The following TMEM117 variants were observed in gnomAD, a reference collection of about 807,000 sequenced individuals.
TMEM117 encodes the protein transmembrane protein 117.
TMEM117 carries 27 observed loss-of-function variants against 52.4 expected under a neutral mutation model. The ratio of observed to expected loss-of-function variants is 0.51; its 90% CI spans 0.38 to 0.71. The LOEUF (loss-of-function observed/expected upper bound fraction) is 0.71, where lower values mean the gene tolerates loss of function less well. TMEM117 is among the 30% of genes least tolerant of loss of function. The pLI is 0.00. For synonymous variants in TMEM117, 215 were observed against 206.3 expected (o/e 1.04, Z -0.36); for missense variants, 556 against 630.5 (o/e 0.88, Z 1.26).
Position 43,915,769 on chromosome 12 carries a change from GA to G in TMEM117, c.278-28432del, listed in dbSNP as rs762847958. ...GAAAGAAAAAGAAAGAAAGAAAGAGGAAAAAAAAATCCAGTGGTGTTTACTG... is the reference window on the plus strand; with the variant it reads ...GAAAGAAAAAGAAAGAAAGAAAGAGGAAAAAAAATCCAGTGGTGTTTACTG... On this transcript the variant is annotated intron_variant, in intron 2 of 7. Transcript: ENST00000266534. Among the ~76,000 whole-genome samples the G allele has an allele frequency of 1.1e-4, 17 of 150,692 alleles. No homozygotes were observed. In the South Asian group the frequency reaches 1.5e-3, roughly 13 times the overall value.
intron 6 of TMEM117, among the ~76,000 whole-genome samples, chr12:44,306,841 T>TA (rs1285284645): frequency 6.6e-6 from 1 of 152,234 alleles, no homozygotes; most frequent in East Asian, 1.9e-4. Flanking sequence ...AGTATGATCT[T>TA]ACAGTAATTA....
chr12:44,323,068 A>G (rs1394370423), intron 6 of TMEM117, among the ~76,000 whole-genome samples: 1 of 152,168 alleles, frequency 6.6e-6, no homozygotes, highest in Admixed American at 6.5e-5. Context: ...TTGGCCCTAC[A>G]TTGCTGGCTT....
intron 2 of TMEM117, among the ~76,000 whole-genome samples, chr12:43,896,104 T>G (rs1944196631): frequency 6.6e-6 from 1 of 152,168 alleles, no homozygotes; most frequent in Admixed American, 6.5e-5. Flanking sequence ...AGAACAATAC[T>G]TTGCATCCTT....
At chr12:43,961,789 A>G (rs1039730582) in intron 3 of TMEM117, among the ~76,000 whole-genome samples, 21 of 152,168 alleles carry the variant, frequency 1.4e-4, no homozygotes, top group African/African-American at 5.1e-4. Flanking sequence ...CTTTAGATCT[A>G]TCTGAGTTCC....
At chr12:43,863,711 A>G (rs979541544) in intron 2 of TMEM117, among the ~76,000 whole-genome samples, 2 of 152,134 alleles carry the variant, frequency 1.3e-5, no homozygotes, top group Non-Finnish European at 2.9e-5. Context: ...AATGGCTGAG[A>G]GGTGGTGAGA....
chr12:44,160,585 C>T (rs945015763), intron 4 of TMEM117, among the ~76,000 whole-genome samples: 1 of 152,094 alleles, frequency 6.6e-6, no homozygotes, highest in Non-Finnish European at 1.5e-5. Context: ...GGGAGGATTG[C>T]TTGAAGCCAG....
At chr12:43,807,959 A>C in the TMEM117 span, among the ~76,000 whole-genome samples, 1 of 152,218 alleles carries the variant, frequency 6.6e-6, no homozygotes, top group African/African-American at 2.4e-5. Context: ...AATAATATAT[A>C]ATAGACTTAT....
chr12:43,885,927 T>A (rs1207077001), intron 2 of TMEM117, among the ~76,000 whole-genome samples: 1 of 152,224 alleles, frequency 6.6e-6, no homozygotes, highest in East Asian at 1.9e-4. Flanking sequence ...ATGAGACATT[T>A]TACTATGAAA....
intron 5 of TMEM117, among the ~76,000 whole-genome samples, chr12:44,288,634 T>C (rs1003289337): frequency 2.6e-5 from 4 of 152,304 alleles, no homozygotes; most frequent in Middle Eastern, 3.4e-3. Context: ...GAAGTACTTA[T>C]CAAATTATAA....
the TMEM117 span, chr12:43,798,554 C>A: frequency 6.6e-6 from 10 of 1,519,376 alleles, no homozygotes; most frequent in Admixed American, 2.1e-5. Flanking sequence ...AGAACATATG[C>A]GAATGCATAC....
At chr12:44,299,104 A>G (rs1476266987) in intron 5 of TMEM117, among the ~76,000 whole-genome samples, 2 of 146,402 alleles carry the variant, frequency 1.4e-5, no homozygotes, top group African/African-American at 5.4e-5. Flanking sequence ...TTTGGGGAAA[A>G]CTGCTTTTGA....
intron 3 of TMEM117, among the ~76,000 whole-genome samples, chr12:44,019,841 A>G (rs2137830531): frequency 6.6e-6 from 1 of 152,332 alleles, no homozygotes; most frequent in East Asian, 1.9e-4. Flanking sequence ...AACGTGAGTA[A>G]TGAATCCCCC....
chr12:44,145,034 G>A (rs1204578555), intron 4 of TMEM117, among the ~76,000 whole-genome samples: 3 of 152,170 alleles, frequency 2.0e-5, no homozygotes, highest in Non-Finnish European at 2.9e-5. Context: ...GCGGGCGCCT[G>A]TAGTCCCAGC....
intron 5 of TMEM117, among the ~76,000 whole-genome samples, chr12:44,245,902 T>A (rs1950123083): frequency 6.6e-6 from 1 of 152,138 alleles, no homozygotes; most frequent in South Asian, 2.1e-4. Context: ...AAATACATTT[T>A]ATATACAATG....
the TMEM117 span, among the ~76,000 whole-genome samples, chr12:43,819,458 A>T: frequency 6.6e-6 from 1 of 152,278 alleles, no homozygotes; most frequent in African/African-American, 2.4e-5. Flanking sequence ...TCTCTATTAT[A>T]GTACCCATGA....
At chr12:44,019,571 A>C (rs1946424607) in intron 3 of TMEM117, among the ~76,000 whole-genome samples, 1 of 152,136 alleles carries the variant, frequency 6.6e-6, no homozygotes, top group Non-Finnish European at 1.5e-5. Flanking sequence ...GGATAAAGAC[A>C]TTTAGGCAAA....
intron 4 of TMEM117, among the ~76,000 whole-genome samples, chr12:44,210,404 G>T (rs1221301574): frequency 2.6e-5 from 4 of 152,146 alleles, no homozygotes; most frequent in Non-Finnish European, 5.9e-5. Context: ...AATATGTGAT[G>T]TGGTAGATGA....
chr12:44,200,148 A>C (rs1949475447), intron 4 of TMEM117, among the ~76,000 whole-genome samples: 1 of 152,144 alleles, frequency 6.6e-6, no homozygotes, highest in South Asian at 2.1e-4. Context: ...AAACAAACAA[A>C]AAACAAAATA....
the TMEM117 span, among the ~76,000 whole-genome samples, chr12:44,397,089 C>A: frequency 1.3e-5 from 2 of 152,006 alleles, no homozygotes; most frequent in Non-Finnish European, 2.9e-5. Context: ...AAAACTTGAA[C>A]AAAACTATCA....
Sources: gnomAD v4.1 joint callset for allele counts (sites outside exome capture counted in the v4.1 genomes callset) on GRCh38, gnomAD v4.1.1 for gene constraint, MANE v1.5 for transcripts, NCBI Gene and HGNC (gene_info 2026-07-23, HGNC 2026-07-21) for gene names.